USP9X: variants seen among roughly 807,000 people sequenced by gnomAD.
The protein encoded by USP9X is ubiquitin specific peptidase 9 X-linked.
Under a neutral mutation model 190.3 loss-of-function variants are expected in USP9X, and 7 were observed. That is an observed-to-expected ratio of 0.04 (90% CI 0.02 to 0.07). The LOEUF (loss-of-function observed/expected upper bound fraction) is 0.07, where lower values mean the gene tolerates loss of function less well. Among genes scored for constraint, USP9X ranks in the 10% least tolerant of loss-of-function variants. USP9X has a pLI of 1.00. For missense variants in USP9X, 1,010 were observed against 1,916.9 expected (o/e 0.53, Z 8.83); for synonymous variants, 645 against 659.5 (o/e 0.98, Z 0.34).
chrX:41,187,927 T>G, intron 24 of USP9X, 65 bp from the exon 25 acceptor site: 3 of 1,100,843 alleles, frequency 2.7e-6, no homozygotes, highest in Non-Finnish European at 3.7e-6. Flanking sequence ...TGAAACATTT[T>G]TGTTTTTCTA....
intron 1 of USP9X, among the ~76,000 whole-genome samples, chrX:41,099,614 C>G (rs1283858458): frequency 3.6e-5 from 4 of 111,941 alleles, no homozygotes; most frequent in African/African-American, 9.7e-5. Flanking sequence ...TTAACTCTTG[C>G]TTACCTATAA....
intron 13 of USP9X, among the ~76,000 whole-genome samples, chrX:41,152,200 T>G (rs2062533988): frequency 8.9e-6 from 1 of 111,922 alleles, no homozygotes; most frequent in South Asian, 3.7e-4. Flanking sequence ...ATAAACACTG[T>G]AAGAAATTGA....
chrX:41,179,457 TTTCTCCTC>T (rs1054755548), intron 21 of USP9X, among the ~76,000 whole-genome samples: 4 of 112,123 alleles, frequency 3.6e-5, no homozygotes, highest in Non-Finnish European at 7.5e-5. Flanking sequence ...TGTAGTGATC[TTTCTCCTC>T]CTTGCTTAAA....
intron 28 of USP9X, 34 bp from the exon 29 acceptor site, chrX:41,197,330 T>TC (rs2062992203): frequency 1.4e-6 from 1 of 708,260 alleles, no homozygotes; most frequent in African/African-American, 2.3e-5. Flanking sequence ...ATTTGATTTC[T>TC]TCCCCCCCCC....
chrX:41,205,675 A>G (rs1602032071), intron 32 of USP9X, among the ~76,000 whole-genome samples, 182 bp downstream of exon 32: 1 of 105,575 alleles, frequency 9.5e-6, no homozygotes, highest in East Asian at 2.9e-4. Flanking sequence ...AGAAGTAGAA[A>G]CTGCCATAGT....
chrX:41,107,744 A>G (rs770054348), intron 1 of USP9X, among the ~76,000 whole-genome samples: 1 of 111,742 alleles, frequency 8.9e-6, no homozygotes, highest in Non-Finnish European at 1.9e-5. Context: ...TTAATCTAAC[A>G]GTCTGTATCT....
At chrX:41,199,742 T>G (rs1035338134) in intron 30 of USP9X, among the ~76,000 whole-genome samples, 1 of 111,952 alleles carries the variant, frequency 8.9e-6, no homozygotes, top group African/African-American at 3.2e-5. Flanking sequence ...ACTTAAAACT[T>G]TAAGTTGCAT....
At chrX:41,110,244 CATG>C (rs2062098819) in intron 1 of USP9X, among the ~76,000 whole-genome samples, 1 of 112,200 alleles carries the variant, frequency 8.9e-6, no homozygotes, top group African/African-American at 3.2e-5. Context: ...ATTTTTATAA[CATG>C]ATTTTTTATT....
At chrX:41,121,005 A>AT (rs201533412) in intron 1 of USP9X, among the ~76,000 whole-genome samples, 18,050 of 96,455 alleles carry the variant, frequency 0.19, 1,491 homozygotes, top group Admixed American at 0.25. Context: ...TGCCTGGCTA[A>AT]TTTTTTTTTT....
chrX:41,108,056 T>C (rs2062082761), intron 1 of USP9X, among the ~76,000 whole-genome samples: 1 of 112,202 alleles, frequency 8.9e-6, no homozygotes, highest in Admixed American at 9.5e-5. Context: ...AATTTTTTTG[T>C]TTAAAACTGG....
chrX:41,153,380 T>C lies in USP9X; in HGVS notation c.1897+299T>C, dbSNP rs113217829. Among the ~76,000 whole-genome samples the C allele has an allele frequency of 0.034, 3,817 of 111,857 alleles. 153 individuals carry two copies. The highest frequency in any genetic ancestry group is 0.12 in the African/African-American group (3,622 of 30,666). ...TGGCTCATTTTCAACCTTTATGTCC[T>C]TTACCACCACCTTTAGCTTTTTAAA... On this transcript the variant is annotated intron_variant, in intron 14 of 44. Coordinates refer to ENST00000378308, the MANE Select transcript of USP9X (RefSeq NM_001039591.3).
chrX:41,232,592 G>A lies in USP9X; in HGVS notation c.*68G>A. ...GCCTTACAGTCCAACCTTTTTCTGT[G>A]TCTGGCTAATATTTAAAACTAGAAA... On this transcript the variant is annotated 3_prime_UTR_variant, in exon 45 of 45. Coordinates refer to ENST00000378308, the MANE Select transcript of USP9X (RefSeq NM_001039591.3). 1 of 1,118,109 alleles carries A rather than the reference G, an allele frequency of 8.9e-7. No homozygotes were observed. Among genetic ancestry groups the A allele is most frequent in the Non-Finnish European group, 1.2e-6 (1 of 837,255 alleles). The allele number at this position is 1,118,109 out of a possible 1,213,427, so 92.1% of individuals were successfully genotyped here.
chrX:41,183,494 G>C (rs991401825), intron 21 of USP9X, among the ~76,000 whole-genome samples: 2 of 111,587 alleles, frequency 1.8e-5, no homozygotes, highest in African/African-American at 6.5e-5. Context: ...CAAAAGCTCT[G>C]CTTGCTTTGA....
chrX:41,142,379 C>T (rs1276517601), intron 9 of USP9X, among the ~76,000 whole-genome samples: 1 of 111,403 alleles, frequency 9.0e-6, no homozygotes, highest in Non-Finnish European at 1.9e-5. Context: ...CAGTGGCTCA[C>T]GCATGTAATC....
chrX:41,131,630 C>T lies in USP9X; in HGVS notation c.322+94C>T. 3.9e-6 allele frequency: 3 copies of T among 764,696 alleles called. No homozygotes were observed. The South Asian group carries it at 1.0e-4, about 26-fold the overall frequency. The allele number at this position is 764,696 out of a possible 1,213,427, so 63.0% of individuals were successfully genotyped here. A position where few individuals can be genotyped will look rare whatever the true frequency, so the allele number is the denominator to read the frequency against. ...CGGATGAAGTGGATTTGTTTTCCTCCATCATAAACACATACTGCAGCTTGC... is the reference window on the plus strand; with the variant it reads ...CGGATGAAGTGGATTTGTTTTCCTCTATCATAAACACATACTGCAGCTTGC... On this transcript the variant is annotated intron_variant, in intron 4 of 44. Transcript: ENST00000378308.
chrX:41,234,503 G>C lies in USP9X; in HGVS notation c.*1979G>C, dbSNP rs979625140. 2 of 111,987 alleles carry C rather than the reference G, an allele frequency of 1.8e-5. No individual in the cohort carries two copies. The highest frequency in any genetic ancestry group is 6.5e-5 in the African/African-American group (2 of 30,832). 9.2% of individuals were successfully genotyped at this position (111,987 alleles called of 1,213,427 possible). On this transcript the variant is annotated 3_prime_UTR_variant, in exon 45 of 45. Coordinates refer to ENST00000378308, the MANE Select transcript of USP9X (RefSeq NM_001039591.3). ...TAGGACATTTTGACACCGATACTTTGAGTGAAAGTCACACACGGTGTTTGC... is the reference window on the plus strand; with the variant it reads ...TAGGACATTTTGACACCGATACTTTCAGTGAAAGTCACACACGGTGTTTGC...
At chrX:41,097,764 G>A (rs755526735) in intron 1 of USP9X, among the ~76,000 whole-genome samples, 1 of 111,353 alleles carries the variant, frequency 9.0e-6, no homozygotes, top group East Asian at 2.8e-4. Flanking sequence ...ACGTCATATA[G>A]CCTTTGGAAG....
chrX:41,122,438 T>A (rs947297598), intron 1 of USP9X, among the ~76,000 whole-genome samples: 2 of 112,342 alleles, frequency 1.8e-5, no homozygotes, highest in African/African-American at 6.5e-5. Context: ...TTTGTCTAAG[T>A]ACACATGTTA....
At chrX:41,119,701 G>A (rs2062175776) in intron 1 of USP9X, among the ~76,000 whole-genome samples, 1 of 112,540 alleles carries the variant, frequency 8.9e-6, no homozygotes, top group Non-Finnish European at 1.9e-5. Flanking sequence ...GTGGCAGCAC[G>A]AGCCTGTAGT....
Sources: allele counts gnomAD v4.1 joint callset (sites outside exome capture counted in the v4.1 genomes callset), GRCh38; gene constraint gnomAD v4.1.1; transcripts MANE v1.5; gene names NCBI Gene and HGNC (gene_info 2026-07-23, HGNC 2026-07-21).